Variants in TSPAN18 observed in about 807,000 individuals in gnomAD.
TSPAN18 encodes tetraspanin 18, also known as tetraspanin-18.
A neutral mutation model predicts 27.3 loss-of-function variants in TSPAN18; 14 were observed. That is an observed-to-expected ratio of 0.51 (90% confidence interval 0.34 to 0.80). The LOEUF is 0.80. Ranked by LOEUF, TSPAN18 falls within the 30% of genes least tolerant of loss-of-function variation. The pLI, the probability that TSPAN18 is intolerant of heterozygous loss-of-function variation, is 0.01. For missense variants in TSPAN18, 268 were observed against 323.9 expected, an observed-to-expected ratio of 0.83 and a Z score of 1.32; for synonymous variants, 143 against 136.5, an observed-to-expected ratio of 1.05 and a Z score of -0.33.
At chr11:44,758,474 C>T (rs1250545701) in intron 1 of TSPAN18, among the ~76,000 whole-genome samples, 1 of 152,068 alleles carries the variant, frequency 6.6e-6, no homozygotes, top group Non-Finnish European at 1.5e-5. Context: ...GGGATTTTTG[C>T]ATTAGTGCTC....
At chr11:44,849,973 C>T (rs1171361892) in intron 2 of TSPAN18, among the ~76,000 whole-genome samples, 1 of 152,130 alleles carries the variant, frequency 6.6e-6, no homozygotes, top group East Asian at 1.9e-4. Context: ...GGAGACCGTC[C>T]CAGGATGGGG....
At chr11:44,853,655 C>T (rs1857657582) in intron 2 of TSPAN18, among the ~76,000 whole-genome samples, 1 of 152,220 alleles carries the variant, frequency 6.6e-6, no homozygotes, top group Admixed American at 6.5e-5. Flanking sequence ...CTCCAGGCAG[C>T]TGCCTGCAGA....
At position 44,868,248 on chromosome 11, in the gene TSPAN18, T is replaced by C. The variant is rs1214734382; in HGVS notation, c.-11+7779T>C. Reference sequence around the variant, plus strand: ...CTCTGTCTGAGTGCCTTGGAAGCCTTCAGTTGCTGCCAGGCACTATAATTC... The same window carrying C: ...CTCTGTCTGAGTGCCTTGGAAGCCTCCAGTTGCTGCCAGGCACTATAATTC... On this transcript the variant is annotated intron_variant, in intron 3 of 9. Coordinates refer to ENST00000520358, the MANE Select transcript of TSPAN18 (RefSeq NM_130783.5). Among the ~76,000 whole-genome samples the C allele has an allele frequency of 2.0e-5, 3 of 152,190 alleles. No homozygotes were observed. The East Asian group carries it at 5.8e-4, about 29-fold the overall frequency.
intron 2 of TSPAN18, among the ~76,000 whole-genome samples, chr11:44,821,217 G>A (rs1424501038): frequency 6.6e-6 from 1 of 152,186 alleles, no homozygotes; most frequent in Non-Finnish European, 1.5e-5. Context: ...AGATCATCGA[G>A]TTTAACTCTA....
At chr11:44,729,702 T>A (rs1200343128) in intron 1 of TSPAN18, among the ~76,000 whole-genome samples, 2 of 152,164 alleles carry the variant, frequency 1.3e-5, no homozygotes, top group African/African-American at 2.4e-5. Flanking sequence ...CGAAGTTAGT[T>A]GGGTTTAGGA....
intron 1 of TSPAN18, among the ~76,000 whole-genome samples, chr11:44,741,339 CT>C (rs1208583395): frequency 9.9e-5 from 15 of 151,964 alleles, no homozygotes; most frequent in African/African-American, 3.1e-4. Flanking sequence ...TAAAAATATT[CT>C]TTTAAAAATG....
chr11:44,760,485 T>C (rs563690594), intron 1 of TSPAN18, among the ~76,000 whole-genome samples: 4 of 152,258 alleles, frequency 2.6e-5, no homozygotes, highest in South Asian at 4.1e-4. Context: ...TTTGTGAAAA[T>C]TCAGTGGGGT....
intron 1 of TSPAN18, among the ~76,000 whole-genome samples, chr11:44,763,937 T>C (rs1383684218): frequency 2.0e-5 from 3 of 152,140 alleles, no homozygotes; most frequent in Non-Finnish European, 4.4e-5. Context: ...CTCACAGTTC[T>C]ATAGGCTGTA....
chr11:44,824,757 G>A (rs563411601), intron 2 of TSPAN18, among the ~76,000 whole-genome samples: 4 of 152,200 alleles, frequency 2.6e-5, no homozygotes, highest in Non-Finnish European at 5.9e-5. Flanking sequence ...TTTAATTGTG[G>A]CTGTTATTGT....
chr11:44,900,841 C>A (rs977962160), intron 3 of TSPAN18, among the ~76,000 whole-genome samples: 9 of 151,652 alleles, frequency 5.9e-5, no homozygotes, highest in African/African-American at 2.2e-4. Flanking sequence ...TTACAGGTTC[C>A]TGCCACCACC....
At chr11:44,742,340 T>TCCTCCCTCCCTCCTTCCTTCCTTA (rs1565129519) in intron 1 of TSPAN18, among the ~76,000 whole-genome samples, 2 of 136,198 alleles carry the variant, frequency 1.5e-5, no homozygotes, top group Admixed American at 7.4e-5. Context: ...TTCCTTCCTT[T>TCCTCCCTCCCTCCTTCCTTCCTTA]CCTCCCTCCC....
intron 2 of TSPAN18, chr11:44,859,741 G>A (rs1300682581): frequency 6.6e-6 from 1 of 152,256 alleles, no homozygotes; most frequent in Non-Finnish European, 1.5e-5. Context: ...ACAGAAGAGG[G>A]TATGGCCCTG....
At chr11:44,861,892 C>G (rs1393348965) in intron 3 of TSPAN18, among the ~76,000 whole-genome samples, 2 of 151,334 alleles carry the variant, frequency 1.3e-5, no homozygotes, top group Non-Finnish European at 2.9e-5. Flanking sequence ...AAAGATTGTT[C>G]CAGAAGGTCT....
At chr11:44,804,348 C>G (rs940545483) in intron 2 of TSPAN18, among the ~76,000 whole-genome samples, 1 of 152,238 alleles carries the variant, frequency 6.6e-6, no homozygotes, top group African/African-American at 2.4e-5. Flanking sequence ...ACCTCGGCCT[C>G]CCAAAGTGCT....
At chr11:44,867,168 C>T (rs886349318) in intron 3 of TSPAN18, among the ~76,000 whole-genome samples, 1 of 152,084 alleles carries the variant, frequency 6.6e-6, no homozygotes, top group South Asian at 2.1e-4. Context: ...TTTCAGACCT[C>T]CACTCCAGAC....
intron 1 of TSPAN18, among the ~76,000 whole-genome samples, chr11:44,750,524 A>G (rs1855185661): frequency 1.3e-5 from 2 of 152,200 alleles, no homozygotes; most frequent in African/African-American, 4.8e-5. Context: ...ATGAGGCGGT[A>G]TGTAGGGGAT....
chr11:44,775,822 G>A (rs1342557592), intron 2 of TSPAN18, among the ~76,000 whole-genome samples: 1 of 152,218 alleles, frequency 6.6e-6, no homozygotes, highest in Non-Finnish European at 1.5e-5. Flanking sequence ...CTTTCAGGGT[G>A]ATAAAAATAT....
rs563340256 is a variant in TSPAN18, at chr11:44,929,362, A to G, written c.*184A>G. ...AACAAAACAAAATGAAGACAAAAAT[A>G]TGGACTGATGTATCCTCGCCTGGAC... On this transcript the variant is annotated 3_prime_UTR_variant, in exon 10 of 10. Transcript: ENST00000520358. 3.0e-4 allele frequency: 214 copies of G among 709,698 alleles called. No individual in the cohort carries two copies. The African/African-American group carries it at 3.7e-3, about 12-fold the overall frequency. 44.0% of individuals were successfully genotyped at this position (709,698 alleles called of 1,614,324 possible). A position where few individuals can be genotyped will look rare whatever the true frequency, so the allele number is the denominator to read the frequency against.
intron 2 of TSPAN18, among the ~76,000 whole-genome samples, chr11:44,838,184 A>G (rs1349569773): frequency 6.6e-6 from 1 of 152,202 alleles, no homozygotes; most frequent in South Asian, 2.1e-4. Context: ...TTTATAGAGG[A>G]AAGAAGTTTA....
Sources: allele counts gnomAD v4.1 joint callset (sites outside exome capture counted in the v4.1 genomes callset), GRCh38; gene constraint gnomAD v4.1.1; transcripts MANE v1.5; gene names NCBI Gene and HGNC (gene_info 2026-07-23, HGNC 2026-07-21).